CIT: variants seen among roughly 807,000 people sequenced by gnomAD.
CIT encodes the protein citron Rho-interacting kinase.
A neutral mutation model predicts 272.7 loss-of-function variants in CIT; 79 were observed. The ratio of observed to expected loss-of-function variants is 0.29; its 90% CI spans 0.24 to 0.35. The LOEUF is 0.35. Among genes scored for constraint, CIT ranks in the 10% least tolerant of loss-of-function variants. The pLI is 1.00. For synonymous variants in CIT, 948 were observed against 995.6 expected (o/e 0.95, Z 0.90); for missense variants, 1,909 against 2,618.3 (o/e 0.73, Z 5.91).
In CIT at chr12:119,717,414, C is replaced by CTTTT. The variant is rs765763044; in HGVS notation, c.4168+827_4168+830dup. On this transcript the variant is annotated intron_variant, in intron 32 of 47. Transcript: ENST00000392521. ...ATTTTTTCATATTCTTTTTTCTTTT[C>CTTTT]TTTTCTTTTTTTTTTTTTTTTTTTG... 2.7e-3 allele frequency among the ~76,000 whole-genome samples: 292 copies of CTTTT among 109,336 alleles called. 11 individuals are homozygous for CTTTT. Among genetic ancestry groups the CTTTT allele is most frequent in the East Asian group, 7.7e-3 (29 of 3,764 alleles). 71.7% of individuals were successfully genotyped at this position (109,336 alleles called of 152,430 possible). A position where few individuals can be genotyped will look rare whatever the true frequency, so the allele number is the denominator to read the frequency against.
At position 119,871,409 on chromosome 12, in the gene CIT, A is replaced by C. The variant is rs546979589; in HGVS notation, c.97-2208T>G. ...TTTGTTACACAGCACTTGATAACAG[A>C]AACAGACCGGCTGCATTTGAATCAC... On this transcript the variant is annotated intron_variant, in intron 2 of 47. Transcript: ENST00000392521. 3.3e-5 allele frequency among the ~76,000 whole-genome samples: 5 copies of C among 152,350 alleles called. No homozygotes were observed. The East Asian group carries it at 9.6e-4, about 29-fold the overall frequency.
rs1169211167 is a variant in CIT at position 119,687,827 on chromosome 12, G to A, written c.*405C>T. 4.9e-5 allele frequency: 8 copies of A among 164,434 alleles called. No individual in the cohort carries two copies. Among genetic ancestry groups the A allele is most frequent in the Admixed American group, 6.6e-5 (1 of 15,122 alleles). The allele number at this position is 164,434 out of a possible 1,614,324, so 10.2% of individuals were successfully genotyped here. A position where few individuals can be genotyped will look rare whatever the true frequency, so the allele number is the denominator to read the frequency against. On this transcript the variant is annotated 3_prime_UTR_variant, in exon 48 of 48. Transcript: ENST00000392521. ...AAAAAAAAAAAAGGAAAGAAACAAAGAGAAAAAAAAAAGAAAAACCAACCA... is the reference window on the plus strand; with the variant it reads ...AAAAAAAAAAAAGGAAAGAAACAAAAAGAAAAAAAAAAGAAAAACCAACCA...
chr12:119,692,616 G>A (rs1196314074), intron 46 of CIT, among the ~76,000 whole-genome samples: 1 of 152,212 alleles, frequency 6.6e-6, no homozygotes, highest in African/African-American at 2.4e-5. Flanking sequence ...GCTTCCGCAT[G>A]ACCACAACAG....
intron 9 of CIT, chr12:119,803,954 C>T (rs980888711): frequency 1.3e-5 from 2 of 159,340 alleles, no homozygotes; most frequent in Admixed American, 6.6e-5. Flanking sequence ...TTCATTCATA[C>T]CCGGACAAGT....
At chr12:119,811,014 A>G (rs1047683430) in intron 9 of CIT, among the ~76,000 whole-genome samples, 1 of 152,174 alleles carries the variant, frequency 6.6e-6, no homozygotes, top group African/African-American at 2.4e-5. Context: ...TGACTTGCCC[A>G]CACAACACAC....
chr12:119,688,049 G>T lies in CIT; in HGVS notation c.*183C>A. On this transcript the variant is annotated 3_prime_UTR_variant, in exon 48 of 48. Transcript: ENST00000392521. ...GCAGGCACCGGGCGCTGACAGCTCCGAAGAGCCTCAGCCACCTGCCCCTCC... is the reference window on the plus strand; with the variant it reads ...GCAGGCACCGGGCGCTGACAGCTCCTAAGAGCCTCAGCCACCTGCCCCTCC... The T allele has an allele frequency of 1.5e-6, 1 of 652,200 alleles. No homozygotes were observed. The highest frequency in any genetic ancestry group is 2.7e-6 in the Non-Finnish European group (1 of 363,776). 40.4% of individuals were successfully genotyped at this position (652,200 alleles called of 1,614,324 possible).
At chr12:119,742,576 C>T (rs1593553580) in intron 23 of CIT, 112 bp from the exon 24 acceptor site, 1 of 660,070 alleles carries the variant, frequency 1.5e-6, no homozygotes, top group East Asian at 2.8e-5. Context: ...GAATGCGGCA[C>T]CAGCATCTGT....
intron 7 of CIT, among the ~76,000 whole-genome samples, chr12:119,830,860 C>T (rs987245228): frequency 6.6e-6 from 1 of 152,108 alleles, no homozygotes; most frequent in Non-Finnish European, 1.5e-5. Flanking sequence ...TTTAATTTCA[C>T]GAATGCAGCA....
chr12:119,747,841 T>C (rs1253261518), intron 23 of CIT, among the ~76,000 whole-genome samples: 1 of 152,184 alleles, frequency 6.6e-6, no homozygotes, highest in African/African-American at 2.4e-5. Flanking sequence ...CAGTGAAAAG[T>C]GTTAAATGAC....
chr12:119,874,466 T>C (rs934557864), intron 2 of CIT, among the ~76,000 whole-genome samples: 9 of 152,216 alleles, frequency 5.9e-5, no homozygotes, highest in African/African-American at 1.9e-4. Context: ...TCATGGTCTC[T>C]ATTGTCCCCC....
chr12:119,693,253 T>TA (rs1473215453), intron 46 of CIT, among the ~76,000 whole-genome samples: 4 of 152,184 alleles, frequency 2.6e-5, no homozygotes, highest in Admixed American at 2.0e-4. Flanking sequence ...GGCAAGGAGT[T>TA]ACGTTTCCTG....
Position 119,785,005 on chromosome 12 carries a change from G to A in CIT, c.1356C>T (p.Leu452=). ...AGTCTTGTAGCTCTTTGCTTTTGAT[G>A]AGAAGTTTCTTTTCCATGGAGCTAG... is the stretch of plus-strand genomic sequence containing the variant. The part of the protein sequence containing the change: ...AKTSSMEKKL[L]IKSKELQDSQ... The change falls in exon 11 of 48, where the codon CTC becomes CTT. Residue 452 remains leucine, a synonymous_variant. Transcript: ENST00000392521. 6.2e-7 allele frequency: 1 copy of A among 1,614,178 alleles called. No individual in the cohort carries two copies. Among genetic ancestry groups the A allele is most frequent in the Non-Finnish European group, 8.5e-7 (1 of 1,180,030 alleles).
intron 26 of CIT, among the ~76,000 whole-genome samples, chr12:119,731,345 G>A (rs1460363571): frequency 6.6e-6 from 1 of 150,722 alleles, no homozygotes; most frequent in Non-Finnish European, 1.5e-5. Context: ...GCATAGTGGC[G>A]CATGCCTGTA....
At chr12:119,792,527 T>G (rs1965391284) in intron 10 of CIT, among the ~76,000 whole-genome samples, 1 of 152,118 alleles carries the variant, frequency 6.6e-6, no homozygotes, top group Non-Finnish European at 1.5e-5. Context: ...TGGAGTGCAG[T>G]GGTGCGATCT....
chr12:119,774,586 A>G (rs1338947391), intron 16 of CIT, among the ~76,000 whole-genome samples: 1 of 149,218 alleles, frequency 6.7e-6, no homozygotes, highest in African/African-American at 2.5e-5. Flanking sequence ...GTGTGTGTGT[A>G]TACATCACAT....
intron 10 of CIT, among the ~76,000 whole-genome samples, chr12:119,787,993 T>C (rs945143517): frequency 3.3e-5 from 5 of 152,194 alleles, no homozygotes; most frequent in Non-Finnish European, 7.3e-5. Flanking sequence ...TTACTACCCA[T>C]GCAACTTCAT....
At chr12:119,752,291 G>A (rs761624524) in intron 22 of CIT, 44 bp from the exon 23 acceptor site, 6 of 1,528,450 alleles carry the variant, frequency 3.9e-6, no homozygotes, top group Non-Finnish European at 5.3e-6. Context: ...ACCCTTGCTT[G>A]GTCTGAACAA....
rs554409898 is a variant in CIT at position 119,741,278 on chromosome 12, T to C, written c.2958+1133A>G. Among the ~76,000 whole-genome samples the C allele has an allele frequency of 2.6e-5, 4 of 152,262 alleles. No individual in the cohort carries two copies. The South Asian group carries it at 8.3e-4, about 32-fold the overall frequency. On this transcript the variant is annotated intron_variant, in intron 24 of 47. Coordinates refer to ENST00000392521, the MANE Select transcript of CIT (RefSeq NM_001206999.2). Reference sequence around the variant, plus strand: ...CCTCTGTGATTCCATTTATATGACATTCAAGAACAGGTAAGACTAAACTAT... The same window carrying C: ...CCTCTGTGATTCCATTTATATGACACTCAAGAACAGGTAAGACTAAACTAT...
intron 24 of CIT, among the ~76,000 whole-genome samples, 187 bp from the exon 25 acceptor site, chr12:119,735,544 G>C (rs1396481049): frequency 6.6e-6 from 1 of 152,128 alleles, no homozygotes; most frequent in Admixed American, 6.6e-5. Flanking sequence ...CTAAACACGA[G>C]CAGTGGAAGA....
Sources: gnomAD v4.1 joint callset for allele counts (sites outside exome capture counted in the v4.1 genomes callset) on GRCh38, gnomAD v4.1.1 for gene constraint, MANE v1.5 for transcripts, NCBI Gene and HGNC (gene_info 2026-07-23, HGNC 2026-07-21) for gene names.